PACRG: variants seen among roughly 807,000 people sequenced by gnomAD.
PACRG encodes the protein parkin coregulated, also known as parkin coregulated gene protein.
In PACRG, 29 loss-of-function variants were observed where a neutral mutation model predicts 29.7. The ratio of observed to expected loss-of-function variants is 0.98; its 90% CI spans 0.73 to 1.33. The LOEUF (loss-of-function observed/expected upper bound fraction) is 1.33, where lower values mean the gene tolerates loss of function less well. Ranked by LOEUF, PACRG falls within the 40% of genes most tolerant of loss-of-function variation. The probability of loss-of-function intolerance (pLI) is 0.00; values close to 1 mark genes in which losing one functional copy is unlikely to be tolerated. For missense variants in PACRG, 279 were observed against 316.2 expected, an observed-to-expected ratio of 0.88 and a Z score of 0.89; for synonymous variants, 116 against 118.7, an observed-to-expected ratio of 0.98 and a Z score of 0.15.
At position 162,917,375 on chromosome 6, in the gene PACRG, A is replaced by T. The variant is rs182449946; in HGVS notation, c.291+103094A>T. On this transcript the variant is annotated intron_variant, in intron 2 of 4. Coordinates refer to ENST00000366888, the MANE Select transcript of PACRG (RefSeq NM_001080379.2). Reference sequence around the variant, plus strand: ...CCACCAATCTCTAACTCTGTCTAAAATTTTGGGAGATTTACATTCTTAGGA... The same window carrying T: ...CCACCAATCTCTAACTCTGTCTAAATTTTTGGGAGATTTACATTCTTAGGA... 8.9e-4 allele frequency among the ~76,000 whole-genome samples: 136 copies of T among 152,140 alleles called. 1 individual carries two copies. Among genetic ancestry groups the T allele is most frequent in the African/African-American group, 3.2e-3 (133 of 41,538 alleles).
At chr6:162,911,052 T>G (rs1394404749) in intron 2 of PACRG, among the ~76,000 whole-genome samples, 6 of 152,198 alleles carry the variant, frequency 3.9e-5, no homozygotes, top group Admixed American at 1.3e-4. Flanking sequence ...ATTAGACAAT[T>G]GTTGAGTAGG....
chr6:162,875,141 GCAGA>G (rs1160969026), intron 2 of PACRG, among the ~76,000 whole-genome samples: 19 of 148,392 alleles, frequency 1.3e-4, no homozygotes, highest in South Asian at 2.1e-4. Flanking sequence ...ACATTCACAC[GCAGA>G]CATTCACACA....
chr6:162,939,025 A>G (rs563225149), intron 2 of PACRG, among the ~76,000 whole-genome samples: 1 of 152,118 alleles, frequency 6.6e-6, no homozygotes, highest in Non-Finnish European at 1.5e-5. Flanking sequence ...CAGTTAGGCA[A>G]TAGTCACCAA....
chr6:162,919,430 C>T (rs967404325), intron 2 of PACRG, among the ~76,000 whole-genome samples: 2 of 152,062 alleles, frequency 1.3e-5, no homozygotes, highest in African/African-American at 2.4e-5. Context: ...GTTCTTGTTA[C>T]GAATGATTTG....
chr6:163,277,587 T>TATATAC (rs551335110), intron 4 of PACRG, among the ~76,000 whole-genome samples: 315 of 149,552 alleles, frequency 2.1e-3, no homozygotes, highest in Non-Finnish European at 3.4e-3. Context: ...TATGTATACA[T>TATATAC]ATATACATAT....
intron 2 of PACRG, among the ~76,000 whole-genome samples, chr6:162,950,381 G>A (rs963140912): frequency 4.8e-4 from 73 of 152,198 alleles, no homozygotes; most frequent in African/African-American, 1.5e-3. Flanking sequence ...GGTGGCGAGC[G>A]CCTGTATTCC....
intron 2 of PACRG, among the ~76,000 whole-genome samples, chr6:162,934,802 A>G (rs375334085): frequency 6.6e-6 from 1 of 152,086 alleles, no homozygotes; most frequent in East Asian, 1.9e-4. Context: ...TGTTTTCATG[A>G]TGGTAGATAT....
At chr6:163,290,278 G>GCACACA (rs3064946) in intron 4 of PACRG, among the ~76,000 whole-genome samples, 2,166 of 114,442 alleles carry the variant, frequency 0.019, 22 homozygotes, top group East Asian at 0.056. Context: ...GCGCGCGCGC[G>GCACACA]CACACACACA....
intron 2 of PACRG, among the ~76,000 whole-genome samples, chr6:163,041,188 T>G (rs1363076354): frequency 6.6e-6 from 1 of 151,872 alleles, no homozygotes; most frequent in Non-Finnish European, 1.5e-5. Context: ...ATACAAAAAA[T>G]TAGCTGGGCG....
chr6:163,191,804 C>G (rs1449670498), intron 4 of PACRG: 2 of 455,924 alleles, frequency 4.4e-6, no homozygotes, highest in African/African-American at 2.0e-5. Flanking sequence ...TTTCCAGCCA[C>G]CTTTTTTCTC....
chr6:163,211,689 C>T (rs942280517), intron 4 of PACRG, among the ~76,000 whole-genome samples: 13 of 152,186 alleles, frequency 8.5e-5, no homozygotes, highest in South Asian at 2.1e-4. Flanking sequence ...ATGACTTCCT[C>T]GTTCCTCCCC....
intron 3 of PACRG, among the ~76,000 whole-genome samples, chr6:163,073,433 A>G (rs1273577222): frequency 6.6e-6 from 1 of 152,226 alleles, no homozygotes; most frequent in Non-Finnish European, 1.5e-5. Flanking sequence ...AAATCAAATC[A>G]AAGTGGATTA....
At chr6:162,819,269 G>A (rs1399752771) in intron 2 of PACRG, among the ~76,000 whole-genome samples, 1 of 152,042 alleles carries the variant, frequency 6.6e-6, no homozygotes, top group Non-Finnish European at 1.5e-5. Context: ...TCACCATGGA[G>A]GCAAATTTCC....
intron 2 of PACRG, among the ~76,000 whole-genome samples, chr6:162,863,379 T>C (rs952159961): frequency 1.3e-5 from 2 of 152,250 alleles, no homozygotes; most frequent in Non-Finnish European, 2.9e-5. Context: ...TTGAAGAGAA[T>C]ACAAGCCTTA....
At chr6:163,199,576 C>T (rs1299150369) in intron 4 of PACRG, among the ~76,000 whole-genome samples, 1 of 152,222 alleles carries the variant, frequency 6.6e-6, no homozygotes. Flanking sequence ...CAAACTCAGG[C>T]AGTGCAGCCC....
chr6:163,139,611 C>A (rs963608381), intron 4 of PACRG, among the ~76,000 whole-genome samples: 4 of 152,140 alleles, frequency 2.6e-5, no homozygotes, highest in African/African-American at 9.7e-5. Flanking sequence ...TAATCAATAA[C>A]TATTTGTTTT....
chr6:163,131,026 G>A (rs570081607), intron 4 of PACRG, among the ~76,000 whole-genome samples: 1 of 152,252 alleles, frequency 6.6e-6, no homozygotes, highest in South Asian at 2.1e-4. Context: ...AGGTACAGTC[G>A]GCCGGGCGCA....
chr6:162,793,531 T>C (rs1785124279), intron 1 of PACRG, among the ~76,000 whole-genome samples: 3 of 152,114 alleles, frequency 2.0e-5, no homozygotes, highest in Admixed American at 2.0e-4. Flanking sequence ...TGGAACATGG[T>C]GCCCATTGTT....
intron 1 of PACRG, among the ~76,000 whole-genome samples, chr6:162,802,905 A>G (rs1393319178): frequency 1.3e-5 from 2 of 152,118 alleles, no homozygotes; most frequent in African/African-American, 4.8e-5. Flanking sequence ...TTGTTGTTAA[A>G]TATTCAGGTA....
Sources: gnomAD v4.1 joint callset for allele counts (sites outside exome capture counted in the v4.1 genomes callset) on GRCh38, gnomAD v4.1.1 for gene constraint, MANE v1.5 for transcripts, NCBI Gene and HGNC (gene_info 2026-07-23, HGNC 2026-07-21) for gene names.